AK8: variants seen among roughly 807,000 people sequenced by gnomAD.
AK8 encodes the protein ATP-AMP transphosphorylase 8.
In AK8, 44 loss-of-function variants were observed where a neutral mutation model predicts 54.6. The ratio of observed to expected loss-of-function variants is 0.81; its 90% confidence interval spans 0.63 to 1.04. AK8 has a LOEUF of 1.04. Among genes scored for constraint, AK8 ranks in the 50% least tolerant of loss-of-function variants. The pLI, the probability that AK8 is intolerant of heterozygous loss-of-function variation, is 0.00. For missense variants in AK8, 555 were observed against 613.6 expected, an observed-to-expected ratio of 0.90 and a Z score of 1.01; for synonymous variants, 239 against 245.6, an observed-to-expected ratio of 0.97 and a Z score of 0.25.
At position 132,775,523 on chromosome 9, in the gene AK8, G is replaced by T. The variant is rs113879274; in HGVS notation, c.1121+17111C>A. ...TTGCCATGTTGGCCAGTCTGGTCTC[G>T]AACCACTGACCTCAAGTGATCTGCC... On this transcript the variant is annotated intron_variant, in intron 11 of 12. Coordinates refer to ENST00000298545, the MANE Select transcript of AK8 (RefSeq NM_152572.3). 5.4e-3 allele frequency among the ~76,000 whole-genome samples: 825 copies of T among 152,094 alleles called. 6 individuals carry two copies. Among genetic ancestry groups the T allele is most frequent in the African/African-American group, 0.019 (784 of 41,498 alleles).
chr9:132,854,618 C>T (rs373373208), intron 5 of AK8, among the ~76,000 whole-genome samples: 1 of 152,238 alleles, frequency 6.6e-6, no homozygotes, highest in Non-Finnish European at 1.5e-5. Context: ...TCCTGTGACC[C>T]CTCTGGATGG....
chr9:132,843,205 G>A (rs553154719), intron 5 of AK8, among the ~76,000 whole-genome samples: 1 of 152,122 alleles, frequency 6.6e-6, no homozygotes, highest in Non-Finnish European at 1.5e-5. Context: ...TTGGATCATG[G>A]GGGCGGGTCC....
At chr9:132,786,388 C>T (rs550810871) in intron 11 of AK8, among the ~76,000 whole-genome samples, 2 of 152,172 alleles carry the variant, frequency 1.3e-5, no homozygotes, top group Non-Finnish European at 2.9e-5. Context: ...ATGGTAAACA[C>T]AGGGGAATTA....
chr9:132,737,919 C>T (rs1208527691), intron 11 of AK8, among the ~76,000 whole-genome samples: 1 of 152,232 alleles, frequency 6.6e-6, no homozygotes, highest in Non-Finnish European at 1.5e-5. Flanking sequence ...ATTGAAAACA[C>T]TCCACCTCTG....
chr9:132,747,390 T>C (rs201281058), intron 11 of AK8, among the ~76,000 whole-genome samples: 8 of 151,758 alleles, frequency 5.3e-5, no homozygotes, highest in East Asian at 1.9e-4. Flanking sequence ...CTTGACCTCA[T>C]GATCTCCCCA....
chr9:132,860,851 T>C lies in AK8; in HGVS notation c.333+2814A>G, dbSNP rs1410970. Among the ~76,000 whole-genome samples, 2,479 of 152,034 alleles carry C rather than the reference T, an allele frequency of 0.016. 76 individuals carry two copies. Among genetic ancestry groups the C allele is most frequent in the African/African-American group, 0.057 (2,364 of 41,436 alleles). ...GGCTGCTGCAGATTGTGGGGCAGAG[T>C]CTTATGTTTACAGGAGGTCTTGCCA... On this transcript the variant is annotated intron_variant, in intron 4 of 12. Transcript: ENST00000298545. The surrounding 1 kb of genome is among the most constrained non-coding windows in gnomAD (Gnocchi z 4.4).
At chr9:132,835,483 G>A (rs1168372618) in intron 5 of AK8, among the ~76,000 whole-genome samples, 1 of 152,220 alleles carries the variant, frequency 6.6e-6, no homozygotes, top group South Asian at 2.1e-4. Flanking sequence ...TGTCTGTGGT[G>A]TAGACCCACC....
intron 10 of AK8, among the ~76,000 whole-genome samples, chr9:132,808,973 T>C (rs1053493183): frequency 1.3e-5 from 2 of 152,150 alleles, no homozygotes; most frequent in Non-Finnish European, 2.9e-5. Context: ...GGTGGCTAGA[T>C]GGTAGGGTGT....
intron 9 of AK8, 121 bp downstream of exon 9, chr9:132,823,081 AAAG>A: frequency 7.5e-7 from 1 of 1,335,980 alleles, no homozygotes; most frequent in Admixed American, 2.7e-5. Context: ...AAAGAGCCAG[AAAG>A]AGAAGTGATA....
intron 10 of AK8, among the ~76,000 whole-genome samples, chr9:132,808,688 T>G (rs1312390789): frequency 6.6e-6 from 1 of 152,074 alleles, no homozygotes; most frequent in Non-Finnish European, 1.5e-5. Context: ...GAGCCAGTGA[T>G]GGTGGTGATG....
chr9:132,845,738 G>A (rs1020878103), intron 5 of AK8, among the ~76,000 whole-genome samples: 3 of 144,394 alleles, frequency 2.1e-5, no homozygotes, highest in Admixed American at 7.3e-5. Flanking sequence ...CAGAGATCGC[G>A]CCACTGCACT....
chr9:132,841,836 T>C (rs1425213131), intron 5 of AK8, among the ~76,000 whole-genome samples: 2 of 152,148 alleles, frequency 1.3e-5, no homozygotes, highest in Non-Finnish European at 2.9e-5. Context: ...TGGCGCTTGA[T>C]TCTTGTTACA....
At chr9:132,751,106 G>A (rs551872382) in intron 11 of AK8, among the ~76,000 whole-genome samples, 7 of 151,956 alleles carry the variant, frequency 4.6e-5, no homozygotes, top group African/African-American at 1.2e-4. Flanking sequence ...GTTTTATGCC[G>A]GGTGCCGTGG....
intron 12 of AK8, 83 bp from the exon 13 acceptor site, chr9:132,726,008 C>A: frequency 7.9e-7 from 1 of 1,270,196 alleles, no homozygotes; most frequent in Non-Finnish European, 1.1e-6. Context: ...TACTGTGGAC[C>A]AATTTGGGGT....
chr9:132,765,055 G>C (rs1838658979), intron 11 of AK8, among the ~76,000 whole-genome samples: 2 of 152,114 alleles, frequency 1.3e-5, no homozygotes, highest in African/African-American at 2.4e-5. Flanking sequence ...CACTTTGGGA[G>C]GCCAAGGCGG....
At chr9:132,814,031 G>A (rs776593915) in intron 10 of AK8, among the ~76,000 whole-genome samples, 11 of 151,844 alleles carry the variant, frequency 7.2e-5, no homozygotes, top group Admixed American at 1.3e-4. Context: ...TAATCCCAGC[G>A]TTTTGGGAGG....
chr9:132,830,034 C>T (rs1279895993), intron 5 of AK8, among the ~76,000 whole-genome samples: 8 of 152,170 alleles, frequency 5.3e-5, no homozygotes, highest in Admixed American at 1.3e-4. Flanking sequence ...CCTTTTTTCC[C>T]GGTGGCTGGG....
chr9:132,764,541 G>A (rs1838636104), intron 11 of AK8, among the ~76,000 whole-genome samples: 1 of 152,138 alleles, frequency 6.6e-6, no homozygotes, highest in Non-Finnish European at 1.5e-5. Context: ...GAACAACTAT[G>A]CACCAACAAA....
rs1301753431 is a variant in AK8 at position 132,770,863 on chromosome 9, C to T, written c.1121+21771G>A. ...GCATGGGGTTACACCTTCTCTCAGG[C>T]CCAGCGGTGTGGGCCTCCCCAGTCA... On this transcript the variant is annotated intron_variant, in intron 11 of 12. Coordinates refer to ENST00000298545, the MANE Select transcript of AK8 (RefSeq NM_152572.3). This position sits in a 1 kb window ranked among gnomAD's most constrained non-coding sequence, Gnocchi z 4.3. Among the ~76,000 whole-genome samples the T allele has an allele frequency of 3.3e-5, 5 of 152,168 alleles. No individual in the cohort carries two copies. The East Asian group carries it at 9.7e-4, about 29-fold the overall frequency.
Sources: gnomAD v4.1 joint callset for allele counts (sites outside exome capture counted in the v4.1 genomes callset) on GRCh38, gnomAD v4.1.1 for gene constraint, Gnocchi (gnomAD v3.1) non-coding constraint, MANE v1.5 for transcripts, NCBI Gene and HGNC (gene_info 2026-07-23, HGNC 2026-07-21) for gene names.